Variants in SYT16 observed in about 807,000 individuals in gnomAD.
SYT16 encodes the protein synaptotagmin 16.
In SYT16, 42 loss-of-function variants were observed where a neutral mutation model predicts 61.4. The observed-to-expected ratio is 0.68, with a 90% CI of 0.53 to 0.89. The LOEUF is 0.89. Ranked by LOEUF, SYT16 falls within the 40% of genes least tolerant of loss-of-function variation. The pLI, the probability that SYT16 is intolerant of heterozygous loss-of-function variation, is 0.00. For missense variants in SYT16, 804 were observed against 807.3 expected (o/e 1.00, Z 0.05); for synonymous variants, 314 against 302.3 (o/e 1.04, Z -0.40).
At chr14:61,993,019 ATTT>A (rs891300538) in intron 2 of SYT16, among the ~76,000 whole-genome samples, 2 of 150,356 alleles carry the variant, frequency 1.3e-5, no homozygotes, top group Non-Finnish European at 3.0e-5. Flanking sequence ...TAAAAAATGA[ATTT>A]TTTCATTTTC....
intron 3 of SYT16, among the ~76,000 whole-genome samples, chr14:62,019,565 T>C (rs2053835870): frequency 6.6e-6 from 1 of 152,224 alleles, no homozygotes; most frequent in Non-Finnish European, 1.5e-5. Flanking sequence ...ACATTTTCTG[T>C]TTTCACATAT....
At chr14:62,047,805 TTGCATCCCAGA>T (rs1281333737) in intron 3 of SYT16, among the ~76,000 whole-genome samples, 37 of 152,250 alleles carry the variant, frequency 2.4e-4, no homozygotes, top group Admixed American at 1.2e-3. Context: ...TGAACCAGCC[TTGCATCCCAGA>T]GATGAAGCTC....
chr14:61,996,114 G>A lies in SYT16; in HGVS notation c.95G>A (p.Gly32Glu), dbSNP rs2052756913. The A allele has an allele frequency of 3.7e-6, 6 of 1,613,218 alleles. No individual in the cohort carries two copies. The highest frequency in any genetic ancestry group is 4.2e-6 in the Non-Finnish European group (5 of 1,179,494). The change falls in exon 3 of 8, where the codon GGA (glycine) becomes GAA (glutamate). Residue 32 changes from glycine (G) to glutamate (E), a missense_variant. Coordinates refer to ENST00000683842, the MANE Select transcript of SYT16 (RefSeq NM_001367656.1). The stretch of plus-strand genomic sequence containing the variant: ...GTTTATGAAGCTCTCCAGCAAGCAG[G>A]AGATATGTTATCTGCTTCGCTGGTT... ...SRVYEALQQA[G>E]DMLSASLVNI...
chr14:61,880,294 TG>T (rs1348119222), intron 1 of SYT16, among the ~76,000 whole-genome samples: 3 of 152,190 alleles, frequency 2.0e-5, no homozygotes, highest in Admixed American at 1.3e-4. Flanking sequence ...TATGTGGGTA[TG>T]GGGGGTCTGT....
intron 3 of SYT16, among the ~76,000 whole-genome samples, chr14:62,011,929 A>ATATATG (rs2053481625): frequency 1.4e-5 from 2 of 147,688 alleles, no homozygotes; most frequent in Admixed American, 1.3e-4. Context: ...ACACACACAT[A>ATATATG]TATATATATA....
At chr14:61,880,394 G>A (rs2047658661) in intron 1 of SYT16, among the ~76,000 whole-genome samples, 1 of 152,194 alleles carries the variant, frequency 6.6e-6, no homozygotes. Flanking sequence ...AACAAGTCCA[G>A]ACACAGGGCA....
intron 1 of SYT16, among the ~76,000 whole-genome samples, chr14:61,957,483 C>T (rs956412639): frequency 6.6e-6 from 1 of 151,900 alleles, no homozygotes; most frequent in Non-Finnish European, 1.5e-5. Flanking sequence ...TAAGTTCCTT[C>T]TATACTTATT....
intron 2 of SYT16, among the ~76,000 whole-genome samples, chr14:61,983,222 C>T (rs2140569725): frequency 6.6e-6 from 1 of 152,196 alleles, no homozygotes; most frequent in East Asian, 1.9e-4. Context: ...TTTTCTTAGC[C>T]TGACAGATTA....
chr14:62,081,337 C>T (rs756697086), intron 6 of SYT16, 63 bp downstream of exon 6: 1 of 1,507,700 alleles, frequency 6.6e-7, no homozygotes, highest in Non-Finnish European at 9.0e-7. Flanking sequence ...ATTGTCAGCC[C>T]TTGATTTAGT....
At chr14:62,015,153 A>G (rs2053619281) in intron 3 of SYT16, among the ~76,000 whole-genome samples, 1 of 152,184 alleles carries the variant, frequency 6.6e-6, no homozygotes, top group Admixed American at 6.5e-5. Flanking sequence ...TTTCTCAATA[A>G]TATAGATTTT....
At chr14:61,997,232 C>T (rs2052805301) in intron 3 of SYT16, among the ~76,000 whole-genome samples, 1 of 152,092 alleles carries the variant, frequency 6.6e-6, no homozygotes, top group Non-Finnish European at 1.5e-5. Flanking sequence ...GCCTCTAATA[C>T]TCTAACCTTG....
At chr14:61,865,025 CA>C (rs2047099470) in intron 1 of SYT16, 1 of 1,414,014 alleles carries the variant, frequency 7.1e-7, no homozygotes, top group African/African-American at 1.4e-5. Flanking sequence ...CCTGAGAGGG[CA>C]TTTCTGCTGT....
At chr14:61,875,028 G>A (rs1004559272) in intron 1 of SYT16, among the ~76,000 whole-genome samples, 1 of 152,206 alleles carries the variant, frequency 6.6e-6, no homozygotes, top group Non-Finnish European at 1.5e-5. Context: ...TATGCAAAGT[G>A]CAGTTGTGGA....
At chr14:61,877,577 C>T (rs1460652714) in intron 1 of SYT16, among the ~76,000 whole-genome samples, 2 of 152,178 alleles carry the variant, frequency 1.3e-5, no homozygotes, top group African/African-American at 2.4e-5. Context: ...AAGTCAGTCC[C>T]ATTTTTCTCC....
At chr14:62,029,495 A>G (rs1279535479) in intron 3 of SYT16, among the ~76,000 whole-genome samples, 1 of 152,186 alleles carries the variant, frequency 6.6e-6, no homozygotes, top group South Asian at 2.1e-4. Context: ...TGATGAGTGT[A>G]TGGAGATCAT....
intron 1 of SYT16, among the ~76,000 whole-genome samples, chr14:61,876,347 T>G (rs998417228): frequency 6.6e-6 from 1 of 152,248 alleles, no homozygotes; most frequent in Non-Finnish European, 1.5e-5. Flanking sequence ...TCATTGCATT[T>G]GCTTTCTAAA....
chr14:61,815,281 AC>A (rs2045392983), intron 1 of SYT16, among the ~76,000 whole-genome samples: 1 of 152,158 alleles, frequency 6.6e-6, no homozygotes. Flanking sequence ...AGTGATGATC[AC>A]TTCTTTAGCA....
chr14:62,044,861 A>C (rs8016922), intron 3 of SYT16, among the ~76,000 whole-genome samples: 69,135 of 151,928 alleles, frequency 0.46, 18,893 homozygotes, highest in African/African-American at 0.78. Context: ...AATTTTGTGG[A>C]GAGTGCAGTG....
At chr14:61,948,717 T>C (rs1824107916) in intron 1 of SYT16, among the ~76,000 whole-genome samples, 1 of 152,164 alleles carries the variant, frequency 6.6e-6, no homozygotes, top group African/African-American at 2.4e-5. Flanking sequence ...AGAAAATATG[T>C]GAAGGAATCC....
Sources: gnomAD v4.1 joint callset for allele counts (sites outside exome capture counted in the v4.1 genomes callset) on GRCh38, gnomAD v4.1.1 for gene constraint, MANE v1.5 for transcripts, NCBI Gene and HGNC (gene_info 2026-07-23, HGNC 2026-07-21) for gene names.